CCDC186: variants seen among roughly 807,000 people sequenced by gnomAD.
CCDC186 encodes the protein coiled-coil domain-containing protein 186.
In CCDC186, 49 loss-of-function variants were observed where a neutral mutation model predicts 113.7. That is an observed-to-expected ratio of 0.43 (90% CI 0.34 to 0.55). CCDC186 has a LOEUF of 0.55. Ranked by LOEUF, CCDC186 falls within the 20% of genes least tolerant of loss-of-function variation. The pLI is 0.02. For missense variants in CCDC186, 890 were observed against 1,011.1 expected, an observed-to-expected ratio of 0.88 and a Z score of 1.62; for synonymous variants, 355 against 345.8, an observed-to-expected ratio of 1.03 and a Z score of -0.30.
chr10:114,166,207 T>G (rs1237051255), intron 1 of CCDC186, among the ~76,000 whole-genome samples: 1 of 152,198 alleles, frequency 6.6e-6, no homozygotes, highest in Non-Finnish European at 1.5e-5. Flanking sequence ...TGTACTACTT[T>G]TCCATTCTTA....
At chr10:114,155,988 A>AC (rs199756779) in intron 3 of CCDC186, among the ~76,000 whole-genome samples, 7 of 151,850 alleles carry the variant, frequency 4.6e-5, no homozygotes, top group African/African-American at 9.7e-5. Flanking sequence ...AACAACAACA[A>AC]AAAAAGCCCA....
intron 1 of CCDC186, among the ~76,000 whole-genome samples, chr10:114,167,310 A>C (rs761353457): frequency 2.0e-5 from 3 of 152,108 alleles, no homozygotes; most frequent in Admixed American, 6.6e-5. Flanking sequence ...ATGATGTTCA[A>C]ATGAATACTG....
intron 6 of CCDC186, among the ~76,000 whole-genome samples, chr10:114,141,679 G>A (rs757503676): frequency 2.8e-4 from 42 of 152,028 alleles, no homozygotes; most frequent in Admixed American, 7.2e-4. Flanking sequence ...ACGCACACAT[G>A]TACTGATCAG....
At position 114,162,643 on chromosome 10, in the gene CCDC186, A is replaced by G. The variant is rs774191460; in HGVS notation, c.626T>C (p.Ile209Thr). Residue 209 changes from isoleucine to threonine, a missense_variant, in exon 2 of 16, where the codon ATA (isoleucine) becomes ACA (threonine). By Grantham distance (89) the Ile-to-Thr change is moderately conservative. Coordinates refer to ENST00000369287, the MANE Select transcript of CCDC186 (RefSeq NM_018017.4). ...QDKYLQQEHI[I>T]KKLIKENKKH... ...AAAGGTATAAAAAACTTACTTTTTT[A>G]TGATATGTTCCTGCTGCAAATATTT... 5.8e-6 allele frequency: 9 copies of G among 1,552,760 alleles called. No individual in the cohort carries two copies. Among genetic ancestry groups the G allele is most frequent in the Non-Finnish European group, 7.8e-6 (9 of 1,154,566 alleles).
chr10:114,125,983 G>A lies in CCDC186; in HGVS notation c.2516C>T (p.Pro839Leu). Residue 839 changes from proline to leucine, a missense_variant, in exon 15 of 16, where the codon CCA becomes CTA. Coordinates refer to ENST00000369287, the MANE Select transcript of CCDC186 (RefSeq NM_018017.4). The stretch of plus-strand genomic sequence containing the variant: ...CTCCAATGTTAATCCATTGTCAGCT[G>A]GATGGGATGTATATAAAGATGCCAT... Reference protein sequence around the residue: ...GIMASLYTSHPADNGLTLELS... With the variant: ...GIMASLYTSHLADNGLTLELS... The A allele has an allele frequency of 3.7e-6, 6 of 1,614,030 alleles. No homozygotes were observed. Among genetic ancestry groups the A allele is most frequent in the African/African-American group, 1.3e-5 (1 of 75,052 alleles).
intron 1 of CCDC186, among the ~76,000 whole-genome samples, 187 bp from the exon 2 acceptor site, chr10:114,163,516 A>G (rs1341450933): frequency 6.6e-6 from 1 of 152,216 alleles, no homozygotes; most frequent in Non-Finnish European, 1.5e-5. Flanking sequence ...AGCTACAAGC[A>G]GTAGGGCCAC....
At chr10:114,169,297 T>C (rs1367211909) in intron 1 of CCDC186, among the ~76,000 whole-genome samples, 1 of 145,004 alleles carries the variant, frequency 6.9e-6, no homozygotes, top group Non-Finnish European at 1.5e-5. Context: ...CAGGCTGGAA[T>C]GCAGTGGTGC....
At chr10:114,159,513 C>T (rs1362514160) in intron 2 of CCDC186, among the ~76,000 whole-genome samples, 2 of 151,676 alleles carry the variant, frequency 1.3e-5, no homozygotes, top group Non-Finnish European at 2.9e-5. Flanking sequence ...TGTGGTAGGG[C>T]GTGCCTGTAG....
intron 3 of CCDC186, among the ~76,000 whole-genome samples, chr10:114,152,132 G>A (rs2119811535): frequency 6.6e-6 from 1 of 152,254 alleles, no homozygotes; most frequent in East Asian, 1.9e-4. Flanking sequence ...CCTGAGGTCA[G>A]GAGTTCAAGA....
At chr10:114,142,177 G>T (rs1441971537) in intron 6 of CCDC186, among the ~76,000 whole-genome samples, 1 of 152,172 alleles carries the variant, frequency 6.6e-6, no homozygotes, top group Non-Finnish European at 1.5e-5. Context: ...ACAGCCTCGG[G>T]AGAAGAGCTT....
chr10:114,166,217 A>C (rs568255090), intron 1 of CCDC186, among the ~76,000 whole-genome samples: 2 of 152,284 alleles, frequency 1.3e-5, no homozygotes, highest in Middle Eastern at 3.4e-3. Context: ...TTCCATTCTT[A>C]TCTCTCAACA....
chr10:114,161,397 A>T (rs1589630415), intron 2 of CCDC186, among the ~76,000 whole-genome samples: 1 of 152,180 alleles, frequency 6.6e-6, no homozygotes, highest in East Asian at 1.9e-4. Context: ...CCTAATTATC[A>T]GCATATACAT....
intron 3 of CCDC186, among the ~76,000 whole-genome samples, chr10:114,155,355 T>C (rs1342687456): frequency 6.6e-6 from 1 of 152,220 alleles, no homozygotes; most frequent in African/African-American, 2.4e-5. Flanking sequence ...ATGTGGAATT[T>C]AAACTTTCTA....
chr10:114,129,969 G>A lies in CCDC186; in HGVS notation c.2104C>T (p.Arg702Ter), dbSNP rs753516890. 3.1e-6 allele frequency: 5 copies of A among 1,612,058 alleles called. No individual in the cohort carries two copies. The highest frequency in any genetic ancestry group is 1.7e-5 in the Admixed American group (1 of 59,880). Residue 702 changes from arginine (R) to a stop codon, truncating the protein, a stop_gained and splice_region_variant, in exon 13 of 16, where the codon CGA becomes TGA. Coordinates refer to ENST00000369287, the MANE Select transcript of CCDC186 (RefSeq NM_018017.4). LOFTEE classifies it high-confidence loss of function. ...KDLTKQLQQA[R>*]RKLDQVESGS... is the part of the protein sequence containing the mutation. ...CTCTCAACCTGATCTAATTTTCTTC[G>A]TGCTATAGGAAAAAGAAGATTATTC...
rs2030836927 is a variant in CCDC186 at position 114,124,800 on chromosome 10, G to C, written c.*343C>G. ...AATTTTTAAAAGGTGAGTCATTTTT[G>C]ACATTACATATTTTAAAGGGAAGAA... On this transcript the variant is annotated 3_prime_UTR_variant, in exon 16 of 16. Coordinates refer to ENST00000369287, the MANE Select transcript of CCDC186 (RefSeq NM_018017.4). 1 of 187,974 alleles carries C rather than the reference G, an allele frequency of 5.3e-6. No individual in the cohort carries two copies. Among genetic ancestry groups the C allele is most frequent in the African/African-American group, 2.3e-5 (1 of 42,932 alleles). The allele number at this position is 187,974 out of a possible 1,614,324, so 11.6% of individuals were successfully genotyped here.
At position 114,145,642 on chromosome 10, in the gene CCDC186, A is replaced by G. The variant is rs767277051; in HGVS notation, c.1008T>C (p.Leu336=). ...RKEKETLEKK[L]RDANKELEKN... is the part of the protein sequence containing the mutation. ...TCTCAAGTTCCTTATTTGCATCTCT[A>G]AGTTTTTTCTCAAGTGTCTCTTTTT... Residue 336 remains leucine (L), a synonymous_variant, in exon 5 of 16, where the codon CTT becomes CTC. Transcript: ENST00000369287. 1 of 1,613,438 alleles carries G rather than the reference A, an allele frequency of 6.2e-7. No individual in the cohort carries two copies. The highest frequency in any genetic ancestry group is 8.5e-7 in the Non-Finnish European group (1 of 1,179,860).
intron 6 of CCDC186, among the ~76,000 whole-genome samples, chr10:114,139,401 A>G (rs1362709181): frequency 6.6e-6 from 1 of 152,084 alleles, no homozygotes; most frequent in Non-Finnish European, 1.5e-5. Flanking sequence ...AGTCTCTACT[A>G]AAAATACAAA....
intron 3 of CCDC186, 21 bp from the exon 4 acceptor site, chr10:114,151,241 A>G (rs780556852): frequency 6.8e-7 from 1 of 1,466,140 alleles, no homozygotes; most frequent in Non-Finnish European, 9.4e-7. Context: ...AATTATTTCC[A>G]AATTATTTTT....
At chr10:114,151,717 A>G (rs2031862539) in intron 3 of CCDC186, among the ~76,000 whole-genome samples, 1 of 152,196 alleles carries the variant, frequency 6.6e-6, no homozygotes, top group Non-Finnish European at 1.5e-5. Flanking sequence ...TAGCCATCTC[A>G]GTTACCAGAC....
Sources: allele counts gnomAD v4.1 joint callset (sites outside exome capture counted in the v4.1 genomes callset), GRCh38; gene constraint gnomAD v4.1.1; transcripts MANE v1.5; gene names NCBI Gene and HGNC (gene_info 2026-07-23, HGNC 2026-07-21).